RGL1: variants seen among roughly 807,000 people sequenced by gnomAD.
The protein encoded by RGL1 is ral guanine nucleotide dissociation stimulator like 1, also known as ral guanine nucleotide dissociation stimulator-like 1.
A neutral mutation model predicts 95.2 loss-of-function variants in RGL1; 24 were observed. That is an observed-to-expected ratio of 0.25 (90% CI 0.18 to 0.35). RGL1 has a LOEUF of 0.35. Among genes scored for constraint, RGL1 ranks in the 10% least tolerant of loss-of-function variants. The pLI is 1.00. For synonymous variants in RGL1, 329 were observed against 344.9 expected (o/e 0.95, Z 0.51); for missense variants, 715 against 936.3 (o/e 0.76, Z 3.08).
chr1:183,713,127 G>A (rs1015921584), intron 1 of RGL1, among the ~76,000 whole-genome samples: 8 of 152,064 alleles, frequency 5.3e-5, no homozygotes, highest in South Asian at 2.1e-4. Context: ...CCAGGTTCAC[G>A]TGATTCTCCT....
intron 1 of RGL1, among the ~76,000 whole-genome samples, chr1:183,722,140 G>A (rs1007128225): frequency 7.2e-5 from 11 of 151,812 alleles, no homozygotes; most frequent in African/African-American, 2.7e-4. Context: ...CACTGGAGAA[G>A]GTAAGAGAAC....
chr1:183,650,922 T>C (rs1177463141), intron 1 of RGL1, among the ~76,000 whole-genome samples: 1 of 152,178 alleles, frequency 6.6e-6, no homozygotes, highest in Non-Finnish European at 1.5e-5. Flanking sequence ...TGCTTATTGG[T>C]CTGTGGTATT....
intron 1 of RGL1, among the ~76,000 whole-genome samples, chr1:183,673,426 G>C (rs1652605997): frequency 6.6e-6 from 1 of 152,118 alleles, no homozygotes; most frequent in Non-Finnish European, 1.5e-5. Flanking sequence ...GCCCTTTAGG[G>C]GTCATGGGGG....
At chr1:183,906,356 A>C (rs551249151) in intron 13 of RGL1, among the ~76,000 whole-genome samples, 1 of 152,342 alleles carries the variant, frequency 6.6e-6, no homozygotes, top group African/African-American at 2.4e-5. Flanking sequence ...TCTGCCTGGC[A>C]GATAGAGGTC....
intron 2 of RGL1, among the ~76,000 whole-genome samples, chr1:183,789,927 CTTA>C (rs1346361861): frequency 2.0e-5 from 3 of 150,644 alleles, no homozygotes; most frequent in Admixed American, 2.0e-4. Context: ...CAGGCTTTTA[CTTA>C]TTTTTTTTTT....
chr1:183,706,125 T>C (rs1446092518), intron 1 of RGL1, among the ~76,000 whole-genome samples: 12 of 152,086 alleles, frequency 7.9e-5, no homozygotes, highest in Admixed American at 6.5e-5. Flanking sequence ...CGTTGGGTAC[T>C]ATGGGGAATG....
At chr1:183,906,118 A>T (rs1668305758) in intron 13 of RGL1, among the ~76,000 whole-genome samples, 1 of 152,228 alleles carries the variant, frequency 6.6e-6, no homozygotes, top group Non-Finnish European at 1.5e-5. Flanking sequence ...TTTACAAAAA[A>T]AAAAACTTGA....
At chr1:183,919,197 A>AT (rs1285473810) in intron 16 of RGL1, among the ~76,000 whole-genome samples, 11 of 152,234 alleles carry the variant, frequency 7.2e-5, no homozygotes, top group South Asian at 6.2e-4. Context: ...AAAAATATCT[A>AT]TTTTTTTCCA....
chr1:183,788,278 T>G (rs1660277148), intron 2 of RGL1, among the ~76,000 whole-genome samples: 1 of 152,192 alleles, frequency 6.6e-6, no homozygotes, highest in African/African-American at 2.4e-5. Context: ...GAGCCAATGA[T>G]GTAAATCCCA....
chr1:183,862,499 T>A (rs145689248), intron 3 of RGL1, among the ~76,000 whole-genome samples: 9 of 152,278 alleles, frequency 5.9e-5, no homozygotes, highest in African/African-American at 2.2e-4. Context: ...GCGTGTATAC[T>A]TTTGTTTTGC....
chr1:183,685,556 A>G (rs1653525006), intron 1 of RGL1, among the ~76,000 whole-genome samples: 1 of 152,240 alleles, frequency 6.6e-6, no homozygotes, highest in Admixed American at 6.5e-5. Flanking sequence ...ATGTAATATT[A>G]AAAACTACAG....
At chr1:183,731,691 C>A (rs1018946839) in intron 1 of RGL1, among the ~76,000 whole-genome samples, 15 of 152,174 alleles carry the variant, frequency 9.9e-5, no homozygotes, top group African/African-American at 3.6e-4. Flanking sequence ...AAATTTGGAC[C>A]CTGCTCTGTG....
rs1669737950 is a variant in RGL1, at chr1:183,928,379, A to T, written c.*2087A>T. ...GCTTCATTTATTTAATGCCACTTTA[A>T]ATGTCTTAAATTTGTTTCCTGGTGG... On this transcript the variant is annotated 3_prime_UTR_variant, in exon 18 of 18. Transcript: ENST00000360851. 6.6e-6 allele frequency: 1 copy of T among 152,558 alleles called. No individual in the cohort carries two copies. The allele number at this position is 152,558 out of a possible 1,614,324, so 9.5% of individuals were successfully genotyped here.
chr1:183,688,275 A>G (rs371034197), intron 1 of RGL1, among the ~76,000 whole-genome samples: 3 of 152,204 alleles, frequency 2.0e-5, no homozygotes, highest in Admixed American at 1.3e-4. Flanking sequence ...TCAGAGATTC[A>G]TGAAACAGCT....
intron 1 of RGL1, among the ~76,000 whole-genome samples, chr1:183,639,966 G>A (rs1423442181): frequency 2.0e-5 from 3 of 151,822 alleles, no homozygotes; most frequent in Admixed American, 1.3e-4. Flanking sequence ...GTCAGCCTCC[G>A]AAGTAGCTGG....
rs565537065 is a variant in RGL1, at chr1:183,834,189, T to C, written c.139-13377T>C. Among the ~76,000 whole-genome samples, 7 of 152,272 alleles carry C rather than the reference T, an allele frequency of 4.6e-5. 1 individual carries two copies. Among genetic ancestry groups the C allele is most frequent in the Admixed American group, 3.9e-4 (6 of 15,288 alleles). On this transcript the variant is annotated intron_variant, in intron 2 of 17. Coordinates refer to ENST00000360851, the MANE Select transcript of RGL1 (RefSeq NM_001297671.3). ...GTATCTCTGGCTTCCAGCAGCCCCA[T>C]AGTAGGAACTCAACAAATATTTGCT...
Position 183,896,987 on chromosome 1 carries a change from C to T in RGL1, c.1141-821C>T, listed in dbSNP as rs1368934280. On this transcript the variant is annotated intron_variant, in intron 9 of 17. Transcript: ENST00000360851. ...ATATTGGACTTCCTCAGAAAACTTC[C>T]GGTGCAAAAGTTTCATTTAGCTAAG... Among the ~76,000 whole-genome samples, 7 of 152,304 alleles carry T rather than the reference C, an allele frequency of 4.6e-5. 1 individual carries two copies. The South Asian group carries it at 1.2e-3, about 27-fold the overall frequency.
At chr1:183,699,294 A>G (rs566659497) in intron 1 of RGL1, among the ~76,000 whole-genome samples, 27 of 152,336 alleles carry the variant, frequency 1.8e-4, no homozygotes, top group African/African-American at 6.5e-4. Flanking sequence ...CTGAGTAAGC[A>G]TCCTTGAAAC....
chr1:183,771,301 G>GA (rs572806701), intron 2 of RGL1, among the ~76,000 whole-genome samples: 6,243 of 127,698 alleles, frequency 0.049, 197 homozygotes, highest in Admixed American at 0.11. Context: ...AGTAAACAAA[G>GA]AAAAAAAAAA....
Sources: allele counts gnomAD v4.1 joint callset (sites outside exome capture counted in the v4.1 genomes callset), GRCh38; gene constraint gnomAD v4.1.1; transcripts MANE v1.5; gene names NCBI Gene and HGNC (gene_info 2026-07-23, HGNC 2026-07-21).